CPS1: variants seen among roughly 807,000 people sequenced by gnomAD.
CPS1 encodes the protein carbamoyl-phosphate synthase 1, also known as carbamoyl-phosphate synthase [ammonia], mitochondrial.
A neutral mutation model predicts 174.6 loss-of-function variants in CPS1; 109 were observed. That is an observed-to-expected ratio of 0.62 (90% CI 0.53 to 0.73). CPS1 has a LOEUF of 0.73. Among genes scored for constraint, CPS1 ranks in the 30% least tolerant of loss-of-function variants. The probability of loss-of-function intolerance (pLI) is 0.00; values close to 1 mark genes in which losing one functional copy is unlikely to be tolerated. For missense variants in CPS1, 1,689 were observed against 1,821.9 expected, an observed-to-expected ratio of 0.93 and a Z score of 1.33; for synonymous variants, 637 against 632.0, an observed-to-expected ratio of 1.01 and a Z score of -0.12.
chr2:210,641,204 C>T (rs1700213513), intron 24 of CPS1, among the ~76,000 whole-genome samples: 1 of 152,168 alleles, frequency 6.6e-6, no homozygotes, highest in South Asian at 2.1e-4. Flanking sequence ...TCACTGTAGC[C>T]TTGATGTCCC....
intron 25 of CPS1, among the ~76,000 whole-genome samples, chr2:210,644,835 G>C (rs1474614185): frequency 6.6e-6 from 1 of 152,036 alleles, no homozygotes; most frequent in Non-Finnish European, 1.5e-5. Flanking sequence ...AGTGATATCA[G>C]GTTTTAAAAA....
upstream of CPS1, among the ~76,000 whole-genome samples, chr2:210,553,680 GA>G (rs1340134845): frequency 6.6e-6 from 1 of 151,700 alleles, no homozygotes; most frequent in Non-Finnish European, 1.5e-5. Flanking sequence ...GGTCAGAGAA[GA>G]AAAAAATGCT....
In CPS1 at chr2:210,497,907, T is replaced by G. The variant is rs1398198515; in HGVS notation, c.3+20141T>G. Among the ~76,000 whole-genome samples, 3 of 138,682 alleles carry G rather than the reference T, an allele frequency of 2.2e-5. No individual in the cohort carries two copies. In the South Asian group the frequency reaches 6.9e-4, roughly 32 times the overall value. 91.0% of individuals were successfully genotyped at this position (138,682 alleles called of 152,430 possible). ...ATATATACATACATATATATATATATATATATATATATCTCCAGTAATGCA... is the reference window on the plus strand; with the variant it reads ...ATATATACATACATATATATATATAGATATATATATATCTCCAGTAATGCA... On this transcript the variant is annotated intron_variant, in intron 1 of 38. Transcript: ENST00000430249.
chr2:210,663,045 A>G, intron 32 of CPS1, 78 bp from the exon 33 acceptor site: 2 of 1,210,844 alleles, frequency 1.7e-6, no homozygotes, highest in Non-Finnish European at 2.4e-6. Context: ...ATGATTTGCT[A>G]ATATATTTAT....
At chr2:210,583,789 T>C (rs924415915) in intron 6 of CPS1, among the ~76,000 whole-genome samples, 7 of 152,120 alleles carry the variant, frequency 4.6e-5, no homozygotes, top group Admixed American at 1.3e-4. Context: ...CCAGAAACTA[T>C]TGTCAACTCA....
At chr2:210,490,767 A>G (rs545836897) in intron 1 of CPS1, among the ~76,000 whole-genome samples, 133 of 152,376 alleles carry the variant, frequency 8.7e-4, no homozygotes, top group African/African-American at 3.2e-3. Context: ...GATCTAAAAT[A>G]TGAACCCCAT....
chr2:210,497,989 T>C (rs1342336837), intron 1 of CPS1, among the ~76,000 whole-genome samples: 1 of 150,150 alleles, frequency 6.7e-6, no homozygotes, highest in Non-Finnish European at 1.5e-5. Context: ...GAGAAATCTC[T>C]AAACTGCTTT....
intron 21 of CPS1, 81 bp downstream of exon 21, chr2:210,616,622 G>T: frequency 1.1e-6 from 1 of 885,424 alleles, no homozygotes; most frequent in Non-Finnish European, 1.9e-6. Flanking sequence ...TTAAGCATTT[G>T]GTCTACATTG....
chr2:210,586,822 T>C (rs2106101393), intron 6 of CPS1, among the ~76,000 whole-genome samples: 1 of 152,218 alleles, frequency 6.6e-6, no homozygotes, highest in East Asian at 1.9e-4. Flanking sequence ...AATGCGTATT[T>C]GTATCAGGAG....
chr2:210,530,300 C>T (rs574999180), intron 1 of CPS1, among the ~76,000 whole-genome samples: 1 of 152,086 alleles, frequency 6.6e-6, no homozygotes, highest in South Asian at 2.1e-4. Context: ...TGGAAAATGC[C>T]AACAATTTCT....
At chr2:210,616,823 A>G (rs571936688) in intron 21 of CPS1, among the ~76,000 whole-genome samples, 2 of 152,052 alleles carry the variant, frequency 1.3e-5, no homozygotes, top group East Asian at 3.9e-4. Context: ...ATTGGTATAC[A>G]TTGATGAACG....
chr2:210,580,298 T>G (rs945206185), intron 5 of CPS1, among the ~76,000 whole-genome samples: 2 of 152,140 alleles, frequency 1.3e-5, no homozygotes, highest in African/African-American at 4.8e-5. Flanking sequence ...TAGTCTTTGT[T>G]GAGACCATAT....
chr2:210,589,969 T>C, intron 7 of CPS1, 137 bp from the exon 8 acceptor site: 1 of 1,201,158 alleles, frequency 8.3e-7, no homozygotes, highest in Non-Finnish European at 1.2e-6. Flanking sequence ...AAATTTTTGC[T>C]CAGCATTATT....
At chr2:210,526,236 T>C (rs1023323347) in intron 1 of CPS1, among the ~76,000 whole-genome samples, 1 of 151,402 alleles carries the variant, frequency 6.6e-6, no homozygotes, top group Non-Finnish European at 1.5e-5. Context: ...TTGTCGTGGG[T>C]TGGAGGGGTA....
chr2:210,661,145 G>A (rs1054180610), intron 32 of CPS1, among the ~76,000 whole-genome samples: 13 of 152,174 alleles, frequency 8.5e-5, no homozygotes, highest in Non-Finnish European at 1.9e-4. Context: ...GCTGTATATG[G>A]TGCTGTGCGG....
chr2:210,528,544 T>C (rs145322633), intron 1 of CPS1, among the ~76,000 whole-genome samples: 1 of 151,982 alleles, frequency 6.6e-6, no homozygotes, highest in African/African-American at 2.4e-5. Context: ...TTATTGGAAA[T>C]ACACCAAGGT....
chr2:210,601,691 A>G (rs1390210309), intron 15 of CPS1, among the ~76,000 whole-genome samples: 2 of 151,942 alleles, frequency 1.3e-5, no homozygotes, highest in Non-Finnish European at 2.9e-5. Flanking sequence ...TGTATTCTGT[A>G]AGTTAAAAAA....
At chr2:210,655,422 A>G (rs558315983) in intron 29 of CPS1, among the ~76,000 whole-genome samples, 55 of 152,178 alleles carry the variant, frequency 3.6e-4, no homozygotes, top group Non-Finnish European at 7.3e-4. Flanking sequence ...CCTCTTTTGG[A>G]AATGTTCCAG....
intron 1 of CPS1, among the ~76,000 whole-genome samples, chr2:210,512,490 A>G (rs1323701846): frequency 6.6e-6 from 1 of 151,854 alleles, no homozygotes; most frequent in African/African-American, 2.4e-5. Flanking sequence ...TTCATTTAGG[A>G]TAATGGCCTC....
Sources: allele counts gnomAD v4.1 joint callset (sites outside exome capture counted in the v4.1 genomes callset), GRCh38; gene constraint gnomAD v4.1.1; transcripts MANE v1.5; gene names NCBI Gene and HGNC (gene_info 2026-07-23, HGNC 2026-07-21).